The following TRERF1 variants were observed in gnomAD, a reference collection of about 807,000 sequenced individuals.
TRERF1 encodes transcriptional-regulating factor 1.
In TRERF1, 27 loss-of-function variants were observed where a neutral mutation model predicts 122.9. The ratio of observed to expected loss-of-function variants is 0.22; its 90% CI spans 0.16 to 0.30. The LOEUF is 0.30. Among genes scored for constraint, TRERF1 ranks in the 10% least tolerant of loss-of-function variants. The pLI is 1.00. For missense variants in TRERF1, 1,248 were observed against 1,560.3 expected (o/e 0.80, Z 3.37); for synonymous variants, 636 against 641.7 (o/e 0.99, Z 0.13).
intron 4 of TRERF1, among the ~76,000 whole-genome samples, chr6:42,298,202 C>T (rs1785421688): frequency 6.6e-6 from 1 of 151,864 alleles, no homozygotes; most frequent in South Asian, 2.1e-4. Flanking sequence ...GTCACCCAGG[C>T]TGGAGTGCAG....
At chr6:42,450,972 C>G (rs764764572) in intron 2 of TRERF1, among the ~76,000 whole-genome samples, 11 of 152,148 alleles carry the variant, frequency 7.2e-5, no homozygotes, top group Admixed American at 2.6e-4. Context: ...CTCATCCCTC[C>G]CCCTTTGCTG....
At chr6:42,445,947 C>G (rs999319636) in intron 2 of TRERF1, among the ~76,000 whole-genome samples, 9 of 152,236 alleles carry the variant, frequency 5.9e-5, no homozygotes, top group African/African-American at 1.9e-4. Flanking sequence ...TGAAGTCTCG[C>G]TCTGTCACCC....
At chr6:42,250,063 G>C (rs1204211710) in intron 13 of TRERF1, among the ~76,000 whole-genome samples, 1 of 152,192 alleles carries the variant, frequency 6.6e-6, no homozygotes, top group African/African-American at 2.4e-5. Flanking sequence ...TGTAAACCTG[G>C]TTCTGCCACT....
At chr6:42,388,664 GTTAGTAAGTTGATTA>G (rs1411695501) in intron 2 of TRERF1, among the ~76,000 whole-genome samples, 1 of 152,110 alleles carries the variant, frequency 6.6e-6, no homozygotes, top group Non-Finnish European at 1.5e-5. Context: ...TGAGGATTCC[GTTAGTAAGTTGATTA>G]GAACTCCCAG....
chr6:42,256,883 A>G (rs766648889), intron 11 of TRERF1, 52 bp from the exon 12 acceptor site: 207 of 1,613,180 alleles, frequency 1.3e-4, no homozygotes, highest in Non-Finnish European at 1.6e-4. Context: ...AGTGTAATGG[A>G]AAACACACCA....
intron 2 of TRERF1, among the ~76,000 whole-genome samples, chr6:42,405,951 C>T (rs1212343633): frequency 6.6e-6 from 1 of 152,124 alleles, no homozygotes; most frequent in Non-Finnish European, 1.5e-5. Flanking sequence ...AAGCCCATGA[C>T]ACAGAAGCAC....
Position 42,263,249 on chromosome 6 carries a change from C to G in TRERF1, c.1884+71G>C. 2.6e-6 allele frequency: 4 copies of G among 1,520,172 alleles called. No individual in the cohort carries two copies. The highest frequency in any genetic ancestry group is 3.5e-6 in the Non-Finnish European group (4 of 1,127,378). 94.2% of individuals were successfully genotyped at this position (1,520,172 alleles called of 1,614,324 possible). A position where few individuals can be genotyped will look rare whatever the true frequency, so the allele number is the denominator to read the frequency against. On this transcript the variant is annotated intron_variant, in intron 8 of 17. Coordinates refer to ENST00000372922, the Ensembl canonical transcript of TRERF1. This position sits in a 1 kb window ranked among gnomAD's most constrained non-coding sequence, Gnocchi z 5.6. The stretch of plus-strand genomic sequence containing the variant: ...CCCCACCCAGGCAGGTGGGGCAGAG[C>G]AGCAACTCACAGCAGGCGTGCGGGG...
intron 9 of TRERF1, 91 bp from the exon 10 acceptor site, chr6:42,258,292 T>C (rs1478949349): frequency 9.4e-6 from 11 of 1,175,686 alleles, no homozygotes; most frequent in Non-Finnish European, 1.3e-5. Context: ...CCAGCCATAA[T>C]AGAGCTTCTC....
chr6:42,413,915 C>T (rs2151481053), intron 2 of TRERF1, among the ~76,000 whole-genome samples: 1 of 152,080 alleles, frequency 6.6e-6, no homozygotes, highest in South Asian at 2.1e-4. Context: ...GAAGGAAAGC[C>T]AAAAGTTGGC....
At chr6:42,261,182 C>A (rs978484838) in intron 8 of TRERF1, among the ~76,000 whole-genome samples, 5 of 152,178 alleles carry the variant, frequency 3.3e-5, no homozygotes, top group South Asian at 2.1e-4. Flanking sequence ...GTGCCCCCCC[C>A]AAGGGGAGCA....
chr6:42,326,826 C>T (rs1358044371), intron 3 of TRERF1, among the ~76,000 whole-genome samples: 1 of 152,176 alleles, frequency 6.6e-6, no homozygotes, highest in Non-Finnish European at 1.5e-5. Context: ...AGACTGGTAG[C>T]CTAATAATGA....
chr6:42,437,904 GTTATTTAT>G (rs574262518), intron 2 of TRERF1, among the ~76,000 whole-genome samples: 65 of 151,856 alleles, frequency 4.3e-4, no homozygotes, highest in African/African-American at 6.0e-4. Flanking sequence ...GTAGGCAGCT[GTTATTTAT>G]TTATTTATTT....
At chr6:42,432,038 T>C (rs1287727676) in intron 2 of TRERF1, among the ~76,000 whole-genome samples, 1 of 152,210 alleles carries the variant, frequency 6.6e-6, no homozygotes, top group African/African-American at 2.4e-5. Flanking sequence ...AGGGTCAGAA[T>C]GCATGGCTCA....
chr6:42,420,041 C>T (rs1782535969), intron 2 of TRERF1, among the ~76,000 whole-genome samples: 1 of 152,154 alleles, frequency 6.6e-6, no homozygotes, highest in Admixed American at 6.5e-5. Flanking sequence ...TCTTTATTCT[C>T]CCCACAACCT....
At chr6:42,272,451 G>A (rs756670591) in intron 4 of TRERF1, among the ~76,000 whole-genome samples, 13 of 152,172 alleles carry the variant, frequency 8.5e-5, no homozygotes, top group Non-Finnish European at 1.5e-4. Context: ...AATGAACCTC[G>A]CTGCTCAAAG....
chr6:42,362,234 G>T (rs1442765980), intron 3 of TRERF1, among the ~76,000 whole-genome samples: 5 of 151,964 alleles, frequency 3.3e-5, no homozygotes, highest in African/African-American at 1.2e-4. Flanking sequence ...TCAGAATCAG[G>T]CACAATAAAA....
At chr6:42,383,734 A>G (rs1776350675) in intron 2 of TRERF1, among the ~76,000 whole-genome samples, 1 of 152,172 alleles carries the variant, frequency 6.6e-6, no homozygotes, top group African/African-American at 2.4e-5. Flanking sequence ...AGTGGGCTAC[A>G]CAAAATACAG....
intron 4 of TRERF1, among the ~76,000 whole-genome samples, chr6:42,299,532 C>T (rs1320055829): frequency 6.6e-6 from 1 of 152,192 alleles, no homozygotes; most frequent in Non-Finnish European, 1.5e-5. Flanking sequence ...CTTTAACACA[C>T]CTCTCTCAAT....
chr6:42,266,458 G>A (rs561080189), intron 5 of TRERF1, among the ~76,000 whole-genome samples: 38 of 152,164 alleles, frequency 2.5e-4, no homozygotes, highest in Non-Finnish European at 4.3e-4. Flanking sequence ...CAAAGTGCTT[G>A]GATTATAGGT....
Sources: gnomAD v4.1 joint callset for allele counts (sites outside exome capture counted in the v4.1 genomes callset) on GRCh38, gnomAD v4.1.1 for gene constraint, Gnocchi (gnomAD v3.1) non-coding constraint, MANE v1.5 for transcripts, NCBI Gene and HGNC (gene_info 2026-07-23, HGNC 2026-07-21) for gene names.